AOC2: variants seen among roughly 807,000 people sequenced by gnomAD.
AOC2 encodes amine oxidase copper containing 2, also known as amine oxidase [copper-containing] 2.
Under a neutral mutation model 53.8 loss-of-function variants are expected in AOC2, and 57 were observed. The observed-to-expected ratio is 1.06, with a 90% confidence interval of 0.86 to 1.32. AOC2 has a LOEUF of 1.32. Among genes scored for constraint, AOC2 ranks in the 40% most tolerant of loss-of-function variants. AOC2 has a pLI of 0.00. For missense variants in AOC2, 1,008 were observed against 957.2 expected, an observed-to-expected ratio of 1.05 and a Z score of -0.70; for synonymous variants, 404 against 399.0, an observed-to-expected ratio of 1.01 and a Z score of -0.15.
Position 42,846,017 on chromosome 17 carries a change from A to G in AOC2, c.1391A>G (p.Asn464Ser). The change falls in exon 1 of 4, where the codon AAC becomes AGC. Residue 464 changes from asparagine (N) to serine (S), a missense_variant. By Grantham distance (46) the Asn-to-Ser change is conservative. Transcript: ENST00000253799. ...GTCAGGTCTGTGTCATCTGTGGGCA[A>G]CTATGACTACATTTGGGACTTTGTG... is the stretch of plus-strand genomic sequence containing the variant. Reference protein sequence around the residue: ...LVVRSVSSVGNYDYIWDFVLY... With the variant: ...LVVRSVSSVGSYDYIWDFVLY... 6.2e-7 allele frequency: 1 copy of G among 1,613,938 alleles called. No homozygotes were observed. Among genetic ancestry groups the G allele is most frequent in the East Asian group, 2.2e-5 (1 of 44,870 alleles).
intron 1 of AOC2, among the ~76,000 whole-genome samples, chr17:42,847,343 A>C (rs769159468): frequency 8.5e-5 from 13 of 152,246 alleles, no homozygotes; most frequent in Non-Finnish European, 1.8e-4. Flanking sequence ...ACCAGCTCAC[A>C]GGATGGCTGC....
At chr17:42,849,984 G>C (rs1401285999) in intron 3 of AOC2, 98 bp from the exon 4 acceptor site, 2 of 1,508,548 alleles carry the variant, frequency 1.3e-6, no homozygotes, top group Admixed American at 1.8e-5. Context: ...GCTGGGGAGA[G>C]TGGAAGCCAG....
rs111452849 is a variant in AOC2, at chr17:42,846,939, T to TC, written c.1588+727dup. 2.0e-5 allele frequency among the ~76,000 whole-genome samples: 3 copies of TC among 152,300 alleles called. 1 individual carries two copies. The highest frequency in any genetic ancestry group is 7.2e-5 in the African/African-American group (3 of 41,562). ...AAAATTAGAAACTCACCAGACCCTCTCCATTTTAAGGGAAACTAAGGAGGG... is the reference window on the plus strand; with the variant it reads ...AAAATTAGAAACTCACCAGACCCTCTCCCATTTTAAGGGAAACTAAGGAGGG... On this transcript the variant is annotated intron_variant, in intron 1 of 3. Coordinates refer to ENST00000253799, the MANE Select transcript of AOC2 (RefSeq NM_009590.4).
At chr17:42,848,248 C>T (rs1025580656) in intron 1 of AOC2, among the ~76,000 whole-genome samples, 2 of 151,562 alleles carry the variant, frequency 1.3e-5, no homozygotes, top group Non-Finnish European at 2.9e-5. Flanking sequence ...ATATCATTAT[C>T]CCTTTCATAG....
Position 42,845,681 on chromosome 17 carries a change from G to T in AOC2, c.1055G>T (p.Arg352Leu). ...TTTGATGTTCGGTTCCAGGGTGAGC[G>T]AATAGCCTATGAAGTCAGTGTCCAG... ...RIFDVRFQGE[R>L]IAYEVSVQEC... Residue 352 changes from arginine (R) to leucine (L), a missense_variant, in exon 1 of 4, where the codon CGA becomes CTA. By Grantham distance (102) the Arg-to-Leu change is moderately radical (BLOSUM62 -2). Coordinates refer to ENST00000253799, the MANE Select transcript of AOC2 (RefSeq NM_009590.4). The T allele has an allele frequency of 1.9e-6, 3 of 1,614,162 alleles. No individual in the cohort carries two copies. Among genetic ancestry groups the T allele is most frequent in the South Asian group, 1.1e-5 (1 of 91,078 alleles).
chr17:42,845,713 G>T lies in AOC2; in HGVS notation c.1087G>T (p.Val363Leu), dbSNP rs1719442000. 8.7e-6 allele frequency: 14 copies of T among 1,614,196 alleles called. No homozygotes were observed. The highest frequency in any genetic ancestry group is 1.1e-5 in the Non-Finnish European group (13 of 1,180,032). The part of the protein sequence containing the change: ...IAYEVSVQEC[V>L]SIYGADSPKT... ...CTATGAAGTCAGTGTCCAGGAGTGT[G>T]TATCTATCTATGGTGCCGATTCACC... Residue 363 changes from valine to leucine, a missense_variant, in exon 1 of 4, where the codon GTA (valine) becomes TTA (leucine). By Grantham distance (32) the Val-to-Leu change is conservative. Transcript: ENST00000253799.
At chr17:42,847,164 T>G (rs920445903) in intron 1 of AOC2, among the ~76,000 whole-genome samples, 2 of 152,262 alleles carry the variant, frequency 1.3e-5, no homozygotes, top group African/African-American at 4.8e-5. Flanking sequence ...AATGATCATA[T>G]TAACTAGATT....
intron 2 of AOC2, 57 bp from the exon 3 acceptor site, chr17:42,849,543 TG>T: frequency 6.2e-7 from 1 of 1,613,566 alleles, no homozygotes. Context: ...AAGGGACTCC[TG>T]GGCCAGTAAA....
chr17:42,850,481 C>A lies in AOC2; in HGVS notation c.*133C>A. On this transcript the variant is annotated 3_prime_UTR_variant, in exon 4 of 4. Transcript: ENST00000253799. ...CAATGTTCCTCTCACACGAAACCCCCATCAGTCCCTTTGGTTAATTCTTAC... is the reference window on the plus strand; with the variant it reads ...CAATGTTCCTCTCACACGAAACCCCAATCAGTCCCTTTGGTTAATTCTTAC... 1 of 1,069,878 alleles carries A rather than the reference C, an allele frequency of 9.3e-7. No individual in the cohort carries two copies. Among genetic ancestry groups the A allele is most frequent in the East Asian group, 2.5e-5 (1 of 39,716 alleles). The allele number at this position is 1,069,878 out of a possible 1,614,324, so 66.3% of individuals were successfully genotyped here. A position where few individuals can be genotyped will look rare whatever the true frequency, so the allele number is the denominator to read the frequency against.
At chr17:42,847,796 T>TTGAAGACA in intron 1 of AOC2, among the ~76,000 whole-genome samples, 1 of 151,562 alleles carries the variant, frequency 6.6e-6, no homozygotes, top group African/African-American at 2.4e-5. Flanking sequence ...TTTTTTTTTT[T>TTGAAGACA]TGAAGACAGA....
At position 42,849,724 on chromosome 17, in the gene AOC2, A is replaced by G. The variant is rs201234463; in HGVS notation, c.1998A>G (p.Leu666=). 6.2e-7 allele frequency: 1 copy of G among 1,614,180 alleles called. No individual in the cohort carries two copies. Among genetic ancestry groups the G allele is most frequent in the Non-Finnish European group, 8.5e-7 (1 of 1,180,022 alleles). The change falls in exon 3 of 4, where the codon TTA becomes TTG. Residue 666 remains leucine (L), a synonymous_variant. Transcript: ENST00000253799. The part of the protein sequence containing the change: ...FADFINNETL[L]GEDLVAWVTA... Reference sequence around the variant, plus strand: ...ACTTCATCAACAATGAAACCCTCTTAGGAGAGGTTGGTTGCCCTAGGGACA... The same window carrying G: ...ACTTCATCAACAATGAAACCCTCTTGGGAGAGGTTGGTTGCCCTAGGGACA...
rs760191470 is a variant in AOC2 at position 42,844,640 on chromosome 17, T to G, written c.14T>G (p.Ile5Arg). 6.2e-7 allele frequency: 1 copy of G among 1,611,928 alleles called. No homozygotes were observed. Among genetic ancestry groups the G allele is most frequent in the South Asian group, 1.1e-5 (1 of 90,962 alleles). Residue 5 changes from isoleucine to arginine, a missense_variant, in exon 1 of 4, where the codon ATA becomes AGA. By Grantham distance (97) the Ile-to-Arg change is moderately conservative. Transcript: ENST00000253799. The stretch of plus-strand genomic sequence containing the variant: ...TCAGCATCCACCATGCATCTCAAGA[T>G]AGTCCTGGCGTTCCTGGCACTGTCC... MHLK[I>R]VLAFLALSLI...
In AOC2 at chr17:42,849,344, A is replaced by T; in HGVS notation, c.1847A>T (p.Asp616Val). ...PLGIHIPLES[D>V]MERALSWGRY... ...GGCATACACATACCCCTGGAGAGTG[A>T]CATGGAGAGGGCCCTCAGCTGGGGG... The change falls in exon 2 of 4, where the codon GAC (aspartate) becomes GTC (valine). Residue 616 changes from aspartate (D) to valine (V), a missense_variant. Coordinates refer to ENST00000253799, the MANE Select transcript of AOC2 (RefSeq NM_009590.4). 6.2e-7 allele frequency: 1 copy of T among 1,613,236 alleles called. No individual in the cohort carries two copies. The highest frequency in any genetic ancestry group is 8.5e-7 in the Non-Finnish European group (1 of 1,179,286).
At chr17:42,849,027 G>C in intron 1 of AOC2, 59 bp from the exon 2 acceptor site, 1 of 1,520,500 alleles carries the variant, frequency 6.6e-7, no homozygotes, top group Non-Finnish European at 8.9e-7. Flanking sequence ...GGAAGACAGG[G>C]ACCTGGCCCA....
rs1555552227 is a variant in AOC2, at chr17:42,844,832, G to A, written c.206G>A (p.Arg69His). Residue 69 changes from arginine to histidine, a missense_variant, in exon 1 of 4, where the codon CGC (arginine) becomes CAC (histidine). Arg to His is a conservative substitution (Grantham distance 29). Transcript: ENST00000253799. ...LSREELTAVM[R>H]FLTQRLGPGL... ...CGAGAGGAGTTGACAGCTGTGATGCGCTTTCTGACCCAGCGGCTGGGGCCA... is the reference window on the plus strand; with the variant it reads ...CGAGAGGAGTTGACAGCTGTGATGCACTTTCTGACCCAGCGGCTGGGGCCA... 6 of 1,612,874 alleles carry A rather than the reference G, an allele frequency of 3.7e-6. No homozygotes were observed. Among genetic ancestry groups the A allele is most frequent in the South Asian group, 3.3e-5 (3 of 91,062 alleles).
intron 1 of AOC2, among the ~76,000 whole-genome samples, chr17:42,847,364 G>A (rs938106906): frequency 2.0e-5 from 3 of 152,238 alleles, no homozygotes; most frequent in Non-Finnish European, 4.4e-5. Context: ...AGAGGCACCA[G>A]CTTCAGTGCA....
chr17:42,849,779 C>G, intron 3 of AOC2, 49 bp downstream of exon 3: 1 of 1,611,562 alleles, frequency 6.2e-7, no homozygotes, highest in African/African-American at 1.3e-5. Flanking sequence ...GGCATGGCAT[C>G]TTGGCTGCCC....
rs765157988 is a variant in AOC2 at position 42,844,662 on chromosome 17, G to C, written c.36G>C (p.Leu12=). Residue 12 remains leucine, a synonymous_variant, in exon 1 of 4, where the codon CTG becomes CTC. Transcript: ENST00000253799. ...HLKIVLAFLA[L]SLITIFALAY... is the part of the protein sequence containing the mutation. The stretch of plus-strand genomic sequence containing the variant: ...AGATAGTCCTGGCGTTCCTGGCACT[G>C]TCCCTCATTACCATCTTTGCCCTGG... 4 of 1,613,992 alleles carry C rather than the reference G, an allele frequency of 2.5e-6. No individual in the cohort carries two copies. The highest frequency in any genetic ancestry group is 3.4e-6 in the Non-Finnish European group (4 of 1,179,906).
Position 42,849,186 on chromosome 17 carries a change from G to A in AOC2, c.1689G>A (p.Gln563=). The change falls in exon 2 of 4, where the codon CAG becomes CAA. Residue 563 remains glutamine, a synonymous_variant. Coordinates refer to ENST00000253799, the MANE Select transcript of AOC2 (RefSeq NM_009590.4). ...HWLQRPQLTR[Q]VLGKEDLTAF... The stretch of plus-strand genomic sequence containing the variant: ...TACAGCGCCCACAGCTGACTCGGCA[G>A]GTCCTGGGAAAGGAGGACCTGACAG... 6.2e-7 allele frequency: 1 copy of A among 1,614,198 alleles called. No individual in the cohort carries two copies. The highest frequency in any genetic ancestry group is 8.5e-7 in the Non-Finnish European group (1 of 1,180,028).
Sources: allele counts gnomAD v4.1 joint callset (sites outside exome capture counted in the v4.1 genomes callset), GRCh38; gene constraint gnomAD v4.1.1; transcripts MANE v1.5; gene names NCBI Gene and HGNC (gene_info 2026-07-23, HGNC 2026-07-21).